Variants in SMTNL1 observed in about 807,000 individuals in gnomAD.
SMTNL1 encodes smoothelin like 1, also known as smoothelin-like protein 1.
In SMTNL1, 41 loss-of-function variants were observed where a neutral mutation model predicts 46.6. The observed-to-expected ratio is 0.88, with a 90% CI of 0.69 to 1.14. The LOEUF is 1.14. Ranked by LOEUF, SMTNL1 falls within the 50% of genes most tolerant of loss-of-function variation. The probability of loss-of-function intolerance (pLI) is 0.00; values close to 1 mark genes in which losing one functional copy is unlikely to be tolerated. For synonymous variants in SMTNL1, 234 were observed against 234.2 expected (o/e 1.00, Z 0.01); for missense variants, 591 against 626.1 (o/e 0.94, Z 0.60).
At position 57,543,126 on chromosome 11, in the gene SMTNL1, C is replaced by T. The variant is rs539226238; in HGVS notation, c.484C>T (p.Pro162Ser). The T allele has an allele frequency of 9.9e-6, 16 of 1,613,034 alleles. No homozygotes were observed. The highest frequency in any genetic ancestry group is 1.4e-5 in the Non-Finnish European group (16 of 1,179,470). Residue 162 changes from proline (P) to serine (S), a missense_variant, in exon 2 of 8, where the codon CCT (proline) becomes TCT (serine). Coordinates refer to ENST00000527972, the MANE Select transcript of SMTNL1 (RefSeq NM_001105565.3). Reference sequence around the variant, plus strand: ...TGCCAATGACAGAGACAAGCCTGAACCTAAGGCAACAGTTGAGGAGGAGGA... The same window carrying T: ...TGCCAATGACAGAGACAAGCCTGAATCTAAGGCAACAGTTGAGGAGGAGGA... Reference protein sequence around the residue: ...ADANDRDKPEPKATVEEEDAK... With the variant: ...ADANDRDKPESKATVEEEDAK...
At chr11:57,545,761 C>G in intron 4 of SMTNL1, 120 bp from the exon 5 acceptor site, 5 of 978,632 alleles carry the variant, frequency 5.1e-6, no homozygotes, top group Non-Finnish European at 7.5e-6. Flanking sequence ...GTGCTGGGCA[C>G]AGCTGCACAC....
rs751276894 is a variant in SMTNL1 at position 57,550,079 on chromosome 11, G to A, written c.1452G>A (p.Val484=). Residue 484 remains valine (V), a synonymous_variant, in exon 8 of 8, where the codon GTG becomes GTA. Coordinates refer to ENST00000527972, the MANE Select transcript of SMTNL1 (RefSeq NM_001105565.3). ...TCCAGGAACTGTACCGCAGCCTTGT[G>A]CAGAAAGGACTGGTGAAGACCAAGA... The part of the protein sequence containing the change: ...TYIQELYRSL[V]QKGLVKTKKK 2.2e-5 allele frequency: 36 copies of A among 1,613,580 alleles called. No homozygotes were observed. The East Asian group carries it at 7.8e-4, about 35-fold the overall frequency.
intron 5 of SMTNL1, 78 bp from the exon 6 acceptor site, chr11:57,546,155 G>A: frequency 6.0e-6 from 9 of 1,507,166 alleles, no homozygotes; most frequent in Non-Finnish European, 7.1e-6. Flanking sequence ...GACACCTGGG[G>A]GCTGGGGATC....
chr11:57,543,820 C>T (rs1327250176), intron 3 of SMTNL1, 49 bp from the exon 4 acceptor site: 1 of 1,563,814 alleles, frequency 6.4e-7, no homozygotes, highest in Non-Finnish European at 8.7e-7. Context: ...GCGCAAGAAG[C>T]ATGCCATGGA....
In SMTNL1 at chr11:57,550,261, T is replaced by G. The variant is rs564231673; in HGVS notation, c.*149T>G. ...TGGTTTTAACTGCATTAAAAGTACTTTTGTAAAATCCTGTCTGGCCCCTCA... is the reference window on the plus strand; with the variant it reads ...TGGTTTTAACTGCATTAAAAGTACTGTTGTAAAATCCTGTCTGGCCCCTCA... On this transcript the variant is annotated 3_prime_UTR_variant, in exon 8 of 8. Coordinates refer to ENST00000527972, the MANE Select transcript of SMTNL1 (RefSeq NM_001105565.3). 2.5e-5 allele frequency: 20 copies of G among 798,674 alleles called. No homozygotes were observed. The South Asian group carries it at 3.7e-4, about 15-fold the overall frequency. 49.5% of individuals were successfully genotyped at this position (798,674 alleles called of 1,614,324 possible). A position where few individuals can be genotyped will look rare whatever the true frequency, so the allele number is the denominator to read the frequency against.
chr11:57,547,990 C>T (rs1188073743), intron 7 of SMTNL1, among the ~76,000 whole-genome samples: 2 of 152,204 alleles, frequency 1.3e-5, no homozygotes, highest in Admixed American at 6.5e-5. Context: ...CAGACAGGCC[C>T]CCGGGGTTGT....
rs371947443 is a variant in SMTNL1, at chr11:57,543,097, C to G, written c.455C>G (p.Ala152Gly). ...GCCAAACCTGAATCTGGGCAGAAAG[C>G]CGATGCCAATGACAGAGACAAGCCT... Reference protein sequence around the residue: ...KEAKPESGQKADANDRDKPEP... With the variant: ...KEAKPESGQKGDANDRDKPEP... The change falls in exon 2 of 8, where the codon GCC becomes GGC. Residue 152 changes from alanine to glycine, a missense_variant. Transcript: ENST00000527972. The G allele has an allele frequency of 3.1e-6, 5 of 1,611,482 alleles. No individual in the cohort carries two copies. The African/African-American group carries it at 6.7e-5, about 22-fold the overall frequency.
intron 1 of SMTNL1, among the ~76,000 whole-genome samples, chr11:57,541,152 A>T (rs1470213644): frequency 1.3e-5 from 2 of 152,222 alleles, no homozygotes; most frequent in East Asian, 3.9e-4. Context: ...CAGGAACCCC[A>T]GGACTCTGGG....
In SMTNL1 at chr11:57,548,475, G is replaced by GTCC. The variant is rs1300823178; in HGVS notation, c.1341-1493_1341-1492insTCC. 2.6e-5 allele frequency among the ~76,000 whole-genome samples: 4 copies of GTCC among 152,274 alleles called. No homozygotes were observed. The East Asian group carries it at 7.7e-4, about 29-fold the overall frequency. The stretch of plus-strand genomic sequence containing the variant: ...ACTTGAGGTCAGGAGTTCAAGATCA[G>GTCC]CCTGGCCAACATGGTGAAACCTTGT... On this transcript the variant is annotated intron_variant, in intron 7 of 7. Transcript: ENST00000527972.
intron 7 of SMTNL1, 41 bp downstream of exon 7, chr11:57,546,693 T>C (rs1421921043): frequency 1.3e-6 from 2 of 1,595,096 alleles, no homozygotes; most frequent in Admixed American, 1.8e-5. Context: ...GATGGGAGCC[T>C]AGGCGAGGAC....
chr11:57,543,478 T>C, intron 2 of SMTNL1, 104 bp downstream of exon 2: 2 of 1,524,970 alleles, frequency 1.3e-6, no homozygotes, highest in South Asian at 2.6e-5. Flanking sequence ...TTCCTCCTGA[T>C]GATTTCCAGA....
At chr11:57,548,531 G>T (rs1001929934) in intron 7 of SMTNL1, among the ~76,000 whole-genome samples, 1 of 152,078 alleles carries the variant, frequency 6.6e-6, no homozygotes, top group Non-Finnish European at 1.5e-5. Context: ...TTAGCTGGGC[G>T]TGGTGGCACA....
At position 57,545,889 on chromosome 11, in the gene SMTNL1, C is replaced by T; in HGVS notation, c.926C>T (p.Ser309Leu). The change falls in exon 5 of 8, where the codon TCA becomes TTA. Residue 309 changes from serine (S) to leucine (L), a missense_variant. Coordinates refer to ENST00000527972, the MANE Select transcript of SMTNL1 (RefSeq NM_001105565.3). ...GQTSPSASES[S>L]PSDVPQSPPE... ...TGGACTTCTCCATATAGTGAGTCTT[C>T]ACCCAGCGACGTGCCCCAGAGTCCC... The T allele has an allele frequency of 6.2e-7, 1 of 1,612,746 alleles. No individual in the cohort carries two copies. The highest frequency in any genetic ancestry group is 8.5e-7 in the Non-Finnish European group (1 of 1,179,414).
rs746973469 is a variant in SMTNL1, at chr11:57,546,292, G to A, written c.1133G>A (p.Gly378Asp). Residue 378 changes from glycine (G) to aspartate (D), a missense_variant, in exon 6 of 8, where the codon GGT (glycine) becomes GAT (aspartate). Coordinates refer to ENST00000527972, the MANE Select transcript of SMTNL1 (RefSeq NM_001105565.3). ...RNTKAAGAAI[G>D]GVKNMLLEWC... Reference sequence around the variant, plus strand: ...ACTAAGGCAGCCGGGGCAGCCATTGGTGGTGTCAAGAACATGCTCTTGGAG... The same window carrying A: ...ACTAAGGCAGCCGGGGCAGCCATTGATGGTGTCAAGAACATGCTCTTGGAG... The A allele has an allele frequency of 1.4e-5, 22 of 1,611,620 alleles. No homozygotes were observed. Among genetic ancestry groups the A allele is most frequent in the Non-Finnish European group, 1.7e-5 (20 of 1,179,092 alleles).
chr11:57,548,507 T>A (rs920726776), intron 7 of SMTNL1, among the ~76,000 whole-genome samples: 9 of 152,064 alleles, frequency 5.9e-5, no homozygotes, highest in African/African-American at 2.2e-4. Context: ...TTGTCTCTAC[T>A]AAAAATACAA....
At chr11:57,546,132 AG>A in intron 5 of SMTNL1, 96 bp downstream of exon 5, 2 of 1,514,174 alleles carry the variant, frequency 1.3e-6, no homozygotes, top group South Asian at 2.6e-5. Flanking sequence ...GCCCAGGCCA[AG>A]GCAGGAGGAC....
At chr11:57,542,534 A>G in intron 1 of SMTNL1, 107 bp from the exon 2 acceptor site, 1 of 1,339,772 alleles carries the variant, frequency 7.5e-7, no homozygotes, top group East Asian at 2.4e-5. Flanking sequence ...AGGAGCCAAG[A>G]CTGAACCACG....
At position 57,550,103 on chromosome 11, in the gene SMTNL1, G is replaced by A. The variant is rs1333894613; in HGVS notation, c.1476G>A (p.Lys492=). 4 of 1,612,806 alleles carry A rather than the reference G, an allele frequency of 2.5e-6. No homozygotes were observed. Among genetic ancestry groups the A allele is most frequent in the Non-Finnish European group, 3.4e-6 (4 of 1,179,382 alleles). ...TGCAGAAAGGACTGGTGAAGACCAAGAAGAAGTGAGGAGGTGACTGGCTCT... is the reference window on the plus strand; with the variant it reads ...TGCAGAAAGGACTGGTGAAGACCAAAAAGAAGTGAGGAGGTGACTGGCTCT... ...SLVQKGLVKT[K]KK The change falls in exon 8 of 8, where the codon AAG becomes AAA. Residue 492 remains lysine (K), a synonymous_variant. Transcript: ENST00000527972.
intron 4 of SMTNL1, among the ~76,000 whole-genome samples, chr11:57,545,605 CA>C (rs67336706): frequency 0.022 from 3,122 of 140,624 alleles, 124 homozygotes; most frequent in African/African-American, 0.075. Flanking sequence ...AGCTCTGTCT[CA>C]AAAAAAAAAA....
Sources: allele counts gnomAD v4.1 joint callset (sites outside exome capture counted in the v4.1 genomes callset), GRCh38; gene constraint gnomAD v4.1.1; transcripts MANE v1.5; gene names NCBI Gene and HGNC (gene_info 2026-07-23, HGNC 2026-07-21).